SAMD12: variants seen among roughly 807,000 people sequenced by gnomAD.
SAMD12 encodes sterile alpha motif domain containing 12, also known as sterile alpha motif domain-containing protein 12.
SAMD12 carries 9 observed loss-of-function variants against 15.0 expected under a neutral mutation model. The ratio of observed to expected loss-of-function variants is 0.60; its 90% CI spans 0.36 to 1.05. SAMD12 has a LOEUF of 1.05. SAMD12 is among the 50% of genes least tolerant of loss of function. The probability of loss-of-function intolerance (pLI) is 0.01; values close to 1 mark genes in which losing one functional copy is unlikely to be tolerated. For missense variants in SAMD12, 230 were observed against 234.2 expected (o/e 0.98, Z 0.12); for synonymous variants, 86 against 90.1 (o/e 0.96, Z 0.25).
At chr8:118,224,352 C>A (rs1454743462) in intron 4 of SAMD12, among the ~76,000 whole-genome samples, 1 of 152,160 alleles carries the variant, frequency 6.6e-6, no homozygotes, top group Admixed American at 6.5e-5. Flanking sequence ...GCAAATGTTA[C>A]TATTATTATC....
chr8:118,580,602 C>T, intron 2 of SAMD12, 113 bp downstream of exon 2: 1 of 710,648 alleles, frequency 1.4e-6, no homozygotes, highest in Non-Finnish European at 2.4e-6. Context: ...CTCATTTGAC[C>T]ACAGATACAA....
intron 1 of SAMD12, among the ~76,000 whole-genome samples, chr8:118,597,589 C>G (rs1451280139): frequency 6.6e-6 from 1 of 152,210 alleles, no homozygotes; most frequent in Non-Finnish European, 1.5e-5. Flanking sequence ...CTGCAGGCAG[C>G]AGAACTGAAT....
In SAMD12 at chr8:118,421,825, T is replaced by TG. The variant is rs1822009492; in HGVS notation, c.322+18006dup. Among the ~76,000 whole-genome samples, 4 of 152,202 alleles carry TG rather than the reference T, an allele frequency of 2.6e-5. No homozygotes were observed. In the South Asian group the frequency reaches 8.3e-4, roughly 31 times the overall value. ...TCTGACACAGTCTACCACAACATCC[T>TG]GGGAAGAACTGCTGAAGGGAACATG... On this transcript the variant is annotated intron_variant, in intron 3 of 3. Transcript: ENST00000314727.
At chr8:118,272,238 T>A (rs531102201) in intron 4 of SAMD12, among the ~76,000 whole-genome samples, 1 of 152,234 alleles carries the variant, frequency 6.6e-6, no homozygotes, top group Non-Finnish European at 1.5e-5. Context: ...CTGCCAAGGC[T>A]TGGGGCTTAC....
chr8:118,313,897 ATG>A (rs945830380), intron 4 of SAMD12, among the ~76,000 whole-genome samples: 3 of 151,090 alleles, frequency 2.0e-5, no homozygotes, highest in East Asian at 1.9e-4. Flanking sequence ...GTGTGTGTGT[ATG>A]TGTGTGTGTG....
intron 2 of SAMD12, among the ~76,000 whole-genome samples, chr8:118,488,942 G>A (rs979687790): frequency 6.6e-6 from 1 of 152,204 alleles, no homozygotes; most frequent in African/African-American, 2.4e-5. Flanking sequence ...TTGTCAAACA[G>A]TTTTCTGAAG....
At chr8:118,292,611 T>G (rs1814459750) in intron 4 of SAMD12, among the ~76,000 whole-genome samples, 2 of 151,932 alleles carry the variant, frequency 1.3e-5, no homozygotes, top group Admixed American at 1.3e-4. Context: ...CGTATGTTTA[T>G]TGCAGCATTA....
At chr8:118,298,114 G>A (rs1191269791) in intron 4 of SAMD12, among the ~76,000 whole-genome samples, 1 of 152,106 alleles carries the variant, frequency 6.6e-6, no homozygotes, top group East Asian at 1.9e-4. Context: ...TACATATGTA[G>A]TTCCTTGCTG....
intron 2 of SAMD12, among the ~76,000 whole-genome samples, chr8:118,515,781 C>T (rs1339846337): frequency 6.6e-6 from 1 of 152,224 alleles, no homozygotes; most frequent in Admixed American, 6.5e-5. Context: ...GCATCACCAA[C>T]TGGCAAATCC....
intron 3 of SAMD12, among the ~76,000 whole-genome samples, chr8:118,390,716 T>C (rs374163600): frequency 6.6e-6 from 1 of 152,160 alleles, no homozygotes; most frequent in African/African-American, 2.4e-5. Flanking sequence ...CACCGTCAAG[T>C]CCGGTCACTC....
At chr8:118,144,680 G>A in the SAMD12 span, among the ~76,000 whole-genome samples, 1 of 151,944 alleles carries the variant, frequency 6.6e-6, no homozygotes, top group African/African-American at 2.4e-5. Context: ...AAGGAAGGTG[G>A]GAAAAGGGAG....
At chr8:118,512,379 G>C (rs888872748) in intron 2 of SAMD12, among the ~76,000 whole-genome samples, 1 of 151,902 alleles carries the variant, frequency 6.6e-6, no homozygotes, top group African/African-American at 2.4e-5. Flanking sequence ...TTTCAGTTTT[G>C]TGAGCCAATA....
At chr8:118,611,390 T>C (rs1484385496) in intron 1 of SAMD12, among the ~76,000 whole-genome samples, 1 of 152,124 alleles carries the variant, frequency 6.6e-6, no homozygotes, top group Admixed American at 6.5e-5. Flanking sequence ...AAAGCACGGA[T>C]ACATACCTGG....
At chr8:118,548,384 TACACAC>T (rs36228827) in intron 2 of SAMD12, among the ~76,000 whole-genome samples, 39,026 of 139,718 alleles carry the variant, frequency 0.28, 5,444 homozygotes, top group East Asian at 0.4. Flanking sequence ...AAAACACACA[TACACAC>T]ACACACACAC....
chr8:118,317,464 C>T (rs922607644), intron 4 of SAMD12, among the ~76,000 whole-genome samples: 3 of 152,028 alleles, frequency 2.0e-5, no homozygotes, highest in Admixed American at 1.3e-4. Context: ...AATAAATGAT[C>T]GAGAACTGCA....
At chr8:118,615,745 C>A (rs993735017) in intron 1 of SAMD12, among the ~76,000 whole-genome samples, 4 of 152,110 alleles carry the variant, frequency 2.6e-5, no homozygotes, top group Non-Finnish European at 5.9e-5. Flanking sequence ...TCAGCACCAG[C>A]GCTTGTTTCT....
At chr8:118,413,200 G>T (rs557398443) in intron 3 of SAMD12, among the ~76,000 whole-genome samples, 9 of 152,280 alleles carry the variant, frequency 5.9e-5, no homozygotes, top group African/African-American at 2.2e-4. Context: ...AAATCACCAG[G>T]AGACAAACTT....
At chr8:118,490,925 A>G (rs1018421384) in intron 2 of SAMD12, among the ~76,000 whole-genome samples, 2 of 120,418 alleles carry the variant, frequency 1.7e-5, no homozygotes, top group Admixed American at 1.6e-4. Flanking sequence ...TATTACAATT[A>G]AAGAAGTGGG....
downstream of SAMD12, among the ~76,000 whole-genome samples, chr8:118,184,808 A>T (rs1819215639): frequency 6.6e-6 from 1 of 152,100 alleles, no homozygotes; most frequent in South Asian, 2.1e-4. Context: ...CCCTCTTTAA[A>T]ATATAGTTCT....
Sources: gnomAD v4.1 joint callset for allele counts (sites outside exome capture counted in the v4.1 genomes callset) on GRCh38, gnomAD v4.1.1 for gene constraint, MANE v1.5 for transcripts, NCBI Gene and HGNC (gene_info 2026-07-23, HGNC 2026-07-21) for gene names.